Variants in KIAA1549 observed in about 807,000 individuals in gnomAD.
The protein encoded by KIAA1549 is KIAA1549.
Under a neutral mutation model 156.4 loss-of-function variants are expected in KIAA1549, and 70 were observed. The observed-to-expected ratio is 0.45, with a 90% CI of 0.37 to 0.55. KIAA1549 has a LOEUF of 0.55. KIAA1549 is among the 20% of genes least tolerant of loss of function. The pLI, the probability that KIAA1549 is intolerant of heterozygous loss-of-function variation, is 0.00. For missense variants in KIAA1549, 2,428 were observed against 2,540.9 expected, an observed-to-expected ratio of 0.96 and a Z score of 0.96; for synonymous variants, 1,103 against 1,066.4, an observed-to-expected ratio of 1.03 and a Z score of -0.67.
chr7:138,897,886 C>T (rs1437177506), intron 9 of KIAA1549, among the ~76,000 whole-genome samples: 1 of 83,792 alleles, frequency 1.2e-5, no homozygotes, highest in African/African-American at 5.2e-5. Flanking sequence ...GAGCAAGACC[C>T]TTTCTCAAAA....
At chr7:138,909,150 A>T (rs1203506829) in intron 4 of KIAA1549, 29 bp from the exon 5 acceptor site, 1 of 1,597,794 alleles carries the variant, frequency 6.3e-7, no homozygotes, top group African/African-American at 1.3e-5. Flanking sequence ...AAAGTCCCAT[A>T]AATGAGGTGT....
intron 5 of KIAA1549, 128 bp downstream of exon 5, chr7:138,908,863 A>T: frequency 9.0e-7 from 1 of 1,117,182 alleles, no homozygotes; most frequent in Non-Finnish European, 1.3e-6. Context: ...GAATAGATCA[A>T]TCCCGACTCA....
At position 138,917,974 on chromosome 7, in the gene KIAA1549, G is replaced by C. The variant is rs369401473; in HGVS notation, c.1652C>G (p.Ser551Cys). 6.1e-4 allele frequency: 979 copies of C among 1,593,554 alleles called. 6 individuals are homozygous for C. In the South Asian group the frequency reaches 9.7e-3, roughly 16 times the overall value. The change falls in exon 2 of 20, where the codon TCC (serine) becomes TGC (cysteine). Residue 551 changes from serine to cysteine, a missense_variant. Physicochemically the swap from Ser to Cys is moderately radical, Grantham distance 112. This residue lies in a region of KIAA1549 where 893 missense variants were observed against 847.9 expected (regional missense o/e 1.05). Coordinates refer to ENST00000422774, the MANE Select transcript of KIAA1549 (RefSeq NM_001164665.2). ...CGAGAAAAATGCAGTGGTCACGCTG[G>C]ATGGCGTCACTTGGGTTTCAGCAAC... is the stretch of plus-strand genomic sequence containing the variant. ...LSVAETQVTPSSVTTAFFSVI... is the reference protein window; with the variant it reads ...LSVAETQVTPCSVTTAFFSVI...
intron 7 of KIAA1549, 98 bp from the exon 8 acceptor site, chr7:138,903,834 TGTGTGTGTGTGTGTGTGTGCGCGCGCGC>T (rs1464160859): frequency 6.4e-6 from 3 of 471,002 alleles, no homozygotes; most frequent in Non-Finnish European, 9.7e-6. Context: ...TGTGTGTGTG[TGTGTGTGTGTGTGTGTGTGCGCGCGCGC>T]GCGCGCGCAC....
At chr7:138,967,998 T>C (rs536237900) in intron 1 of KIAA1549, among the ~76,000 whole-genome samples, 4 of 152,258 alleles carry the variant, frequency 2.6e-5, no homozygotes, top group East Asian at 1.9e-4. Context: ...CTCTGAGCAA[T>C]GTCCACTCCT....
intron 12 of KIAA1549, among the ~76,000 whole-genome samples, chr7:138,873,820 C>A (rs968791047): frequency 6.6e-6 from 1 of 151,470 alleles, no homozygotes; most frequent in Non-Finnish European, 1.5e-5. Context: ...AGGGACCAAG[C>A]GGAGGAGAGG....
At chr7:138,915,878 G>A (rs527458095) in intron 2 of KIAA1549, among the ~76,000 whole-genome samples, 10 of 152,218 alleles carry the variant, frequency 6.6e-5, no homozygotes, top group South Asian at 2.1e-4. Context: ...CTGACCAAGC[G>A]GGCCACCGTC....
In KIAA1549 at chr7:138,835,166, T is replaced by C. The variant is rs1809670779; in HGVS notation, c.*2740A>G. 4.5e-6 allele frequency: 1 copy of C among 220,100 alleles called. No homozygotes were observed. Among genetic ancestry groups the C allele is most frequent in the Non-Finnish European group, 9.1e-6 (1 of 109,764 alleles). 13.6% of individuals were successfully genotyped at this position (220,100 alleles called of 1,614,324 possible). ...CTTCCTTTCAGTGGATGACGTGAAC[T>C]TAATGTCTGAAGACCGCTAGGGTAC... On this transcript the variant is annotated 3_prime_UTR_variant, in exon 20 of 20. Coordinates refer to ENST00000422774, the MANE Select transcript of KIAA1549 (RefSeq NM_001164665.2).
intron 13 of KIAA1549, 119 bp from the exon 14 acceptor site, chr7:138,869,880 C>CAAATA: frequency 1.3e-6 from 1 of 756,680 alleles, no homozygotes; most frequent in Non-Finnish European, 2.1e-6. Flanking sequence ...GACAGAGTCT[C>CAAATA]ACTCTGTTGC....
chr7:138,928,971 A>G (rs994110684), intron 1 of KIAA1549, among the ~76,000 whole-genome samples: 2 of 152,248 alleles, frequency 1.3e-5, no homozygotes, highest in Non-Finnish European at 2.9e-5. Context: ...AATGCTAACA[A>G]TTGTCTAAGC....
chr7:138,848,809 T>C (rs536360430), intron 17 of KIAA1549, among the ~76,000 whole-genome samples: 1 of 152,346 alleles, frequency 6.6e-6, no homozygotes. Context: ...GCCTGGAGTT[T>C]TGTTTGTGGG....
chr7:138,928,929 C>T (rs114731261), intron 1 of KIAA1549, among the ~76,000 whole-genome samples: 7,756 of 152,150 alleles, frequency 0.051, 291 homozygotes, highest in South Asian at 0.14. Flanking sequence ...AAAAAATGTA[C>T]ACATCTTAAC....
intron 1 of KIAA1549, among the ~76,000 whole-genome samples, chr7:138,967,541 T>C (rs1375958066): frequency 6.6e-6 from 1 of 152,156 alleles, no homozygotes; most frequent in Non-Finnish European, 1.5e-5. Context: ...CATTAAGATA[T>C]TTAAAAGCCC....
At chr7:138,916,472 G>A (rs938323222) in intron 2 of KIAA1549, among the ~76,000 whole-genome samples, 12 of 152,340 alleles carry the variant, frequency 7.9e-5, no homozygotes, top group South Asian at 2.1e-4. Context: ...AGGGCTGAGC[G>A]TTCTGCAGGG....
At position 138,905,003 on chromosome 7, in the gene KIAA1549, T is replaced by C. The variant is rs1584744859; in HGVS notation, c.3520+19A>G. The C allele has an allele frequency of 3.3e-6, 5 of 1,504,334 alleles. No homozygotes were observed. The East Asian group carries it at 1.2e-4, about 36-fold the overall frequency. 93.2% of individuals were successfully genotyped at this position (1,504,334 alleles called of 1,614,324 possible). A position where few individuals can be genotyped will look rare whatever the true frequency, so the allele number is the denominator to read the frequency against. On this transcript the variant is annotated intron_variant, in intron 7 of 19. Transcript: ENST00000422774. The stretch of plus-strand genomic sequence containing the variant: ...TCTTCTCCTTACAGTTCCCAAAATA[T>C]TACATAAGTTAAACATACCTGTTCT...
chr7:138,846,533 CAAAAAAAA>C (rs1213246866), intron 17 of KIAA1549, among the ~76,000 whole-genome samples: 1 of 60,010 alleles, frequency 1.7e-5, no homozygotes, highest in Non-Finnish European at 3.1e-5. Context: ...GACTCCATCT[CAAAAAAAA>C]AAAAAAAAAA....
At chr7:138,887,816 C>T (rs1015183122) in intron 10 of KIAA1549, among the ~76,000 whole-genome samples, 3 of 152,184 alleles carry the variant, frequency 2.0e-5, no homozygotes, top group African/African-American at 7.2e-5. Context: ...ACAATTCGTT[C>T]CACGTTGGGA....
intron 1 of KIAA1549, among the ~76,000 whole-genome samples, chr7:138,926,405 C>A (rs947512997): frequency 2.0e-5 from 3 of 152,114 alleles, no homozygotes; most frequent in Non-Finnish European, 4.4e-5. Context: ...GTGCCTCAGC[C>A]TCCAGAGCAG....
At chr7:138,888,442 T>TC (rs1811459558) in intron 10 of KIAA1549, among the ~76,000 whole-genome samples, 1 of 152,208 alleles carries the variant, frequency 6.6e-6, no homozygotes, top group Admixed American at 6.5e-5. Context: ...TGTTCACTGG[T>TC]CCATGACCCC....
Sources: allele counts gnomAD v4.1 joint callset (sites outside exome capture counted in the v4.1 genomes callset), GRCh38; gene constraint gnomAD v4.1.1; regional missense constraint gnomAD v4.1.1; transcripts MANE v1.5; gene names NCBI Gene and HGNC (gene_info 2026-07-23, HGNC 2026-07-21).